HTR7: variants seen among roughly 807,000 people sequenced by gnomAD.
HTR7 encodes 5-hydroxytryptamine receptor 7.
A neutral mutation model predicts 34.0 loss-of-function variants in HTR7; 16 were observed. That is an observed-to-expected ratio of 0.47 (90% CI 0.32 to 0.71). The LOEUF (loss-of-function observed/expected upper bound fraction) is 0.71, where lower values mean the gene tolerates loss of function less well. Ranked by LOEUF, HTR7 falls within the 30% of genes least tolerant of loss-of-function variation. HTR7 has a pLI of 0.04. For synonymous variants in HTR7, 265 were observed against 260.2 expected (o/e 1.02, Z -0.18); for missense variants, 504 against 625.5 (o/e 0.81, Z 2.07).
chr10:90,758,634 T>A (rs892125257), intron 1 of HTR7, among the ~76,000 whole-genome samples: 1 of 152,150 alleles, frequency 6.6e-6, no homozygotes, highest in Non-Finnish European at 1.5e-5. Flanking sequence ...ACATTTTCCT[T>A]GAATCAGTGA....
intron 2 of HTR7, among the ~76,000 whole-genome samples, chr10:90,747,750 C>G (rs1274883086): frequency 2.6e-5 from 4 of 152,186 alleles, no homozygotes; most frequent in Admixed American, 6.5e-5. Flanking sequence ...TAGTCTACTC[C>G]TCCCTGCCAG....
chr10:90,839,178 A>T (rs1026961706), intron 1 of HTR7, among the ~76,000 whole-genome samples: 3 of 152,242 alleles, frequency 2.0e-5, no homozygotes, highest in Non-Finnish European at 1.5e-5. Flanking sequence ...GGCCTGTGGA[A>T]CTCAGAAAAC....
At chr10:90,809,496 A>G (rs1589460331) in intron 1 of HTR7, among the ~76,000 whole-genome samples, 1 of 152,316 alleles carries the variant, frequency 6.6e-6, no homozygotes, top group East Asian at 1.9e-4. Flanking sequence ...TAAAACTCCA[A>G]AAATTAAATT....
chr10:90,781,629 T>A (rs1223705212), intron 1 of HTR7, among the ~76,000 whole-genome samples: 1 of 152,226 alleles, frequency 6.6e-6, no homozygotes, highest in Non-Finnish European at 1.5e-5. Context: ...AAAATCTGAT[T>A]TCAAATGTCC....
At chr10:90,823,413 T>C (rs1479740671) in intron 1 of HTR7, among the ~76,000 whole-genome samples, 1 of 152,252 alleles carries the variant, frequency 6.6e-6, no homozygotes, top group South Asian at 2.1e-4. Context: ...ATAGAGCCTA[T>C]TTGTTTCGGC....
Position 90,749,324 on chromosome 10 carries a change from A to G in HTR7, c.810T>C (p.Ala270=). 6.2e-7 allele frequency: 1 copy of G among 1,614,228 alleles called. No homozygotes were observed. Among genetic ancestry groups the G allele is most frequent in the Non-Finnish European group, 8.5e-7 (1 of 1,180,048 alleles). Reference sequence around the variant, plus strand: ...GGAAGCCAGGAAACTTGTGTTTGGCAGCACTCTTCCTGGCAGCCTTGTAAA... The same window carrying G: ...GGAAGCCAGGAAACTTGTGTTTGGCGGCACTCTTCCTGGCAGCCTTGTAAA... ...YQIYKAARKS[A]AKHKFPGFPR... is the part of the protein sequence containing the mutation. Residue 270 remains alanine, a synonymous_variant, in exon 2 of 4, where the codon GCT becomes GCC. Transcript: ENST00000336152. The surrounding 1 kb of genome is among the most constrained non-coding windows in gnomAD (Gnocchi z 4.2).
intron 2 of HTR7, 133 bp downstream of exon 2, chr10:90,748,706 T>G: frequency 5.0e-5 from 49 of 980,110 alleles, no homozygotes; most frequent in Non-Finnish European, 6.3e-5. Context: ...TCTATACTGT[T>G]GTCAATTCAA....
intron 1 of HTR7, among the ~76,000 whole-genome samples, chr10:90,789,340 A>C (rs1185841361): frequency 6.6e-6 from 1 of 152,182 alleles, no homozygotes; most frequent in East Asian, 1.9e-4. Flanking sequence ...TCAAGACACA[A>C]AATCAACAAT....
At chr10:90,841,956 T>G (rs940076678) in intron 1 of HTR7, among the ~76,000 whole-genome samples, 1 of 152,132 alleles carries the variant, frequency 6.6e-6, no homozygotes, top group African/African-American at 2.4e-5. Flanking sequence ...GCCGAGATCA[T>G]GCCACTTCAC....
rs1343418165 is a variant in HTR7, at chr10:90,764,781, T to G, written c.540-15187A>C. Among the ~76,000 whole-genome samples, 11 of 152,168 alleles carry G rather than the reference T, an allele frequency of 7.2e-5. 1 individual carries two copies. ...GAAAACAATTTCAGCTTTACACCAC[T>G]GAGTATGATGTTAACTAAAAGGATG... On this transcript the variant is annotated intron_variant, in intron 1 of 3. Coordinates refer to ENST00000336152, the MANE Select transcript of HTR7 (RefSeq NM_019859.4).
chr10:90,837,183 G>A (rs555586333), intron 1 of HTR7, among the ~76,000 whole-genome samples: 1 of 152,162 alleles, frequency 6.6e-6, no homozygotes, highest in Admixed American at 6.5e-5. Context: ...ACGTGGTCTT[G>A]AGCCTAAAGT....
At chr10:90,743,958 A>C (rs1314527361) in intron 2 of HTR7, 1 of 613,790 alleles carries the variant, frequency 1.6e-6, no homozygotes, top group Admixed American at 2.2e-5. Context: ...GCTGATCAAG[A>C]AAATGGGGAG....
In HTR7 at chr10:90,857,821, G is replaced by GAGACA; in HGVS notation, c.-151_-150insTGTCT. ...GCTGGGGGGCGCCTGGCTCTGTCTCGGAGCCCCGCACTCCCCGGACCCCCG... is the reference window on the plus strand; with the variant it reads ...GCTGGGGGGCGCCTGGCTCTGTCTCGAGACAGAGCCCCGCACTCCCCGGACCCCCG... On this transcript the variant is annotated 5_prime_UTR_variant, in exon 1 of 4. Transcript: ENST00000336152. The surrounding 1 kb of genome is among the most constrained non-coding windows in gnomAD (Gnocchi z 6.5). 1.4e-6 allele frequency: 1 copy of GAGACA among 722,976 alleles called. No individual in the cohort carries two copies. Among genetic ancestry groups the GAGACA allele is most frequent in the Non-Finnish European group, 1.9e-6 (1 of 521,156 alleles). The allele number at this position is 722,976 out of a possible 1,614,324, so 44.8% of individuals were successfully genotyped here. A position where few individuals can be genotyped will look rare whatever the true frequency, so the allele number is the denominator to read the frequency against.
At chr10:90,790,566 GTTAA>G (rs1845446920) in intron 1 of HTR7, among the ~76,000 whole-genome samples, 1 of 152,094 alleles carries the variant, frequency 6.6e-6, no homozygotes, top group South Asian at 2.1e-4. Context: ...TGATGAATCC[GTTAA>G]TTGACTCTCT....
chr10:90,759,552 G>A (rs1036094153), intron 1 of HTR7, among the ~76,000 whole-genome samples: 2 of 150,760 alleles, frequency 1.3e-5, no homozygotes, highest in African/African-American at 2.4e-5. Flanking sequence ...CTACTCGGGA[G>A]GCTGAGGCAG....
chr10:90,834,823 A>C (rs1382658583), intron 1 of HTR7, among the ~76,000 whole-genome samples: 2 of 152,174 alleles, frequency 1.3e-5, no homozygotes. Context: ...GCAAGTTATA[A>C]GGCCAATCCT....
chr10:90,759,512 G>A (rs549398408), intron 1 of HTR7, among the ~76,000 whole-genome samples: 75 of 150,550 alleles, frequency 5.0e-4, no homozygotes, highest in Non-Finnish European at 7.2e-4. Flanking sequence ...AAAATTAGCC[G>A]GGCGCGGTGG....
intron 1 of HTR7, among the ~76,000 whole-genome samples, chr10:90,756,355 G>GT (rs1020332189): frequency 6.6e-6 from 1 of 152,130 alleles, no homozygotes; most frequent in South Asian, 2.1e-4. Flanking sequence ...TGTAAATCAG[G>GT]TTTTTTTAAA....
intron 1 of HTR7, among the ~76,000 whole-genome samples, chr10:90,839,871 C>T (rs1001728464): frequency 6.6e-6 from 1 of 152,112 alleles, no homozygotes; most frequent in Non-Finnish European, 1.5e-5. Flanking sequence ...GGTCCTATCA[C>T]ACAGGAATTG....
Sources: allele counts gnomAD v4.1 joint callset (sites outside exome capture counted in the v4.1 genomes callset), GRCh38; gene constraint gnomAD v4.1.1; non-coding constraint Gnocchi (gnomAD v3.1); transcripts MANE v1.5; gene names NCBI Gene and HGNC (gene_info 2026-07-23, HGNC 2026-07-21).